The following CCSER1 variants were observed in gnomAD, a reference collection of about 807,000 sequenced individuals.
CCSER1 encodes serine-rich coiled-coil domain-containing protein 1.
A neutral mutation model predicts 82.0 loss-of-function variants in CCSER1; 41 were observed. That is an observed-to-expected ratio of 0.50 (90% CI 0.39 to 0.65). CCSER1 has a LOEUF of 0.65. CCSER1 is among the 30% of genes least tolerant of loss of function. CCSER1 has a pLI of 0.00. For missense variants in CCSER1, 1,119 were observed against 1,064.2 expected (o/e 1.05, Z -0.72); for synonymous variants, 414 against 383.9 (o/e 1.08, Z -0.92).
intron 1 of CCSER1, among the ~76,000 whole-genome samples, chr4:90,217,916 C>CT (rs1197766388): frequency 1.3e-5 from 2 of 152,070 alleles, no homozygotes; most frequent in African/African-American, 2.4e-5. Flanking sequence ...CCACCTCAGC[C>CT]TTATGAGTAG....
At chr4:91,226,625 A>G (rs1196932685) in intron 10 of CCSER1, among the ~76,000 whole-genome samples, 1 of 152,038 alleles carries the variant, frequency 6.6e-6, no homozygotes, top group African/African-American at 2.4e-5. Context: ...GTGATTAAAG[A>G]TGTGGGTGTA....
chr4:90,456,956 G>A (rs949905068), intron 4 of CCSER1, among the ~76,000 whole-genome samples: 1 of 152,170 alleles, frequency 6.6e-6, no homozygotes, highest in African/African-American at 2.4e-5. Flanking sequence ...TTGCTCACTT[G>A]GCCTGGCAGT....
chr4:90,151,357 GTATT>G (rs151023907), intron 1 of CCSER1, among the ~76,000 whole-genome samples: 2,490 of 151,854 alleles, frequency 0.016, 65 homozygotes, highest in African/African-American at 0.055. Context: ...TTTAATTTAG[GTATT>G]TATTTAGATT....
intron 1 of CCSER1, among the ~76,000 whole-genome samples, chr4:90,220,699 A>G (rs1283146335): frequency 1.3e-5 from 2 of 152,200 alleles, no homozygotes; most frequent in East Asian, 3.8e-4. Flanking sequence ...GAATCGCTTT[A>G]ATTTACCAGG....
chr4:91,549,636 A>T (rs1762065908), intron 10 of CCSER1, among the ~76,000 whole-genome samples: 1 of 152,128 alleles, frequency 6.6e-6, no homozygotes, highest in South Asian at 2.1e-4. Flanking sequence ...CAGGAGTTCG[A>T]GACCAGCTTG....
chr4:90,278,064 A>C (rs1728164063), intron 1 of CCSER1, among the ~76,000 whole-genome samples: 1 of 151,302 alleles, frequency 6.6e-6, no homozygotes, highest in South Asian at 2.1e-4. Context: ...ATGGACCCAC[A>C]AGCTTATGAA....
At chr4:90,875,426 A>G (rs1252376498) in intron 8 of CCSER1, among the ~76,000 whole-genome samples, 3 of 152,144 alleles carry the variant, frequency 2.0e-5, no homozygotes, top group Admixed American at 6.6e-5. Context: ...CTTCTGACAC[A>G]TGAGAACAAA....
intron 6 of CCSER1, among the ~76,000 whole-genome samples, chr4:90,702,508 C>G (rs1738370825): frequency 6.6e-6 from 1 of 152,290 alleles, no homozygotes; most frequent in South Asian, 2.1e-4. Context: ...GGGAGGATTC[C>G]CTCCTTTTCT....
At chr4:90,598,138 A>G in intron 5 of CCSER1, among the ~76,000 whole-genome samples, 1 of 152,120 alleles carries the variant, frequency 6.6e-6, no homozygotes, top group South Asian at 2.1e-4. Context: ...GTGATTTCAT[A>G]TCTTTTGAGT....
intron 5 of CCSER1, among the ~76,000 whole-genome samples, chr4:90,582,014 A>G (rs539032366): frequency 6.6e-6 from 1 of 151,544 alleles, no homozygotes; most frequent in East Asian, 1.9e-4. Context: ...TTTTTTTCTT[A>G]TTGTTTTAGT....
At chr4:91,099,598 G>A (rs562956678) in intron 10 of CCSER1, among the ~76,000 whole-genome samples, 1 of 152,088 alleles carries the variant, frequency 6.6e-6, no homozygotes, top group Non-Finnish European at 1.5e-5. Context: ...AGAGGCATGA[G>A]ACATCAATCA....
intron 10 of CCSER1, among the ~76,000 whole-genome samples, chr4:91,273,612 G>T (rs1243971428): frequency 2.6e-5 from 4 of 152,082 alleles, no homozygotes; most frequent in Non-Finnish European, 5.9e-5. Flanking sequence ...TTTCTTGTCT[G>T]ATTGCTCTGG....
rs540999510 is a variant in CCSER1, at chr4:91,603,616, T to A, written c.*4559T>A. ...TGTAGCCTCATTAACTTCTCCAATT[T>A]AATACGACATACATACTTCTTCCAC... On this transcript the variant is annotated 3_prime_UTR_variant, in exon 11 of 11. Coordinates refer to ENST00000509176, the MANE Select transcript of CCSER1 (RefSeq NM_001145065.2). The A allele has an allele frequency of 6.6e-6, 1 of 152,164 alleles. No individual in the cohort carries two copies. The highest frequency in any genetic ancestry group is 1.9e-4 in the East Asian group (1 of 5,204). The allele number at this position is 152,164 out of a possible 1,614,324, so 9.4% of individuals were successfully genotyped here.
chr4:90,476,156 C>T (rs927941646), intron 5 of CCSER1, among the ~76,000 whole-genome samples: 1 of 152,088 alleles, frequency 6.6e-6, no homozygotes, highest in South Asian at 2.1e-4. Context: ...GCCTTTAGAT[C>T]TGGGCACTCA....
intron 6 of CCSER1, among the ~76,000 whole-genome samples, chr4:90,635,580 T>C (rs138878869): frequency 0.014 from 2,074 of 151,904 alleles, 54 homozygotes; most frequent in African/African-American, 0.048. Context: ...ACAGGGAAAT[T>C]TGTGACTTTA....
chr4:91,291,403 A>AT (rs1743732572), intron 10 of CCSER1, among the ~76,000 whole-genome samples: 1 of 152,042 alleles, frequency 6.6e-6, no homozygotes, highest in Admixed American at 6.6e-5. Flanking sequence ...ACGAAGAAAC[A>AT]CCCGAGACTG....
In CCSER1 at chr4:90,597,691, C is replaced by T. The variant is rs138238939; in HGVS notation, c.1725-30334C>T. ...CAAGAACAGTTAAAATCTTATTTAACGAAAATTCCTAACACAAAACAATGT... is the reference window on the plus strand; with the variant it reads ...CAAGAACAGTTAAAATCTTATTTAATGAAAATTCCTAACACAAAACAATGT... On this transcript the variant is annotated intron_variant, in intron 5 of 10. Coordinates refer to ENST00000509176, the MANE Select transcript of CCSER1 (RefSeq NM_001145065.2). 4.3e-4 allele frequency among the ~76,000 whole-genome samples: 66 copies of T among 152,082 alleles called. 3 individuals are homozygous for T. In the East Asian group the frequency reaches 0.012, roughly 28 times the overall value.
chr4:91,174,548 A>T (rs1439334298), intron 10 of CCSER1, among the ~76,000 whole-genome samples: 1 of 152,112 alleles, frequency 6.6e-6, no homozygotes, highest in African/African-American at 2.4e-5. Context: ...GCACCCATCA[A>T]CCCGTAATCT....
intron 1 of CCSER1, among the ~76,000 whole-genome samples, chr4:90,194,051 T>G (rs142046030): frequency 1.9e-3 from 288 of 152,198 alleles, no homozygotes; most frequent in African/African-American, 6.7e-3. Flanking sequence ...ATTTGGCTTG[T>G]CTTTGTAGGT....
Sources: allele counts gnomAD v4.1 joint callset (sites outside exome capture counted in the v4.1 genomes callset), GRCh38; gene constraint gnomAD v4.1.1; transcripts MANE v1.5; gene names NCBI Gene and HGNC (gene_info 2026-07-23, HGNC 2026-07-21).